The following DOK5 variants were observed in gnomAD, a reference collection of about 807,000 sequenced individuals.
The protein encoded by DOK5 is docking protein 5.
DOK5 carries 27 observed loss-of-function variants against 43.3 expected under a neutral mutation model. The ratio of observed to expected loss-of-function variants is 0.62; its 90% CI spans 0.46 to 0.86. The LOEUF (loss-of-function observed/expected upper bound fraction) is 0.86. Among genes scored for constraint, DOK5 ranks in the 40% least tolerant of loss-of-function variants. DOK5 has a pLI of 0.00. For synonymous variants in DOK5, 146 were observed against 140.1 expected (o/e 1.04, Z -0.30); for missense variants, 373 against 392.9 (o/e 0.95, Z 0.43).
chr20:54,567,048 T>C (rs2146743197), intron 2 of DOK5, among the ~76,000 whole-genome samples: 1 of 151,864 alleles, frequency 6.6e-6, no homozygotes, highest in East Asian at 1.9e-4. Flanking sequence ...GTATTGGGAG[T>C]GTGTGCGTTT....
chr20:54,487,901 A>T (rs573173492), intron 1 of DOK5, among the ~76,000 whole-genome samples: 1 of 152,218 alleles, frequency 6.6e-6, no homozygotes, highest in Non-Finnish European at 1.5e-5. Context: ...TCGTCAATGG[A>T]CTAACTCTTT....
At chr20:54,521,555 G>A (rs1220062254) in intron 1 of DOK5, among the ~76,000 whole-genome samples, 1 of 152,180 alleles carries the variant, frequency 6.6e-6, no homozygotes, top group Admixed American at 6.5e-5. Context: ...GGTATGGGGT[G>A]TGATGTGAGG....
chr20:54,628,572 AG>A (rs1233029312), intron 6 of DOK5, among the ~76,000 whole-genome samples: 1 of 152,104 alleles, frequency 6.6e-6, no homozygotes, highest in Non-Finnish European at 1.5e-5. Context: ...TCTTCTCATC[AG>A]CACGTGGTTG....
chr20:54,549,804 C>T (rs1048198992), intron 1 of DOK5, among the ~76,000 whole-genome samples: 1 of 152,084 alleles, frequency 6.6e-6, no homozygotes, highest in African/African-American at 2.4e-5. Flanking sequence ...TTTTGCATAC[C>T]TTTAGCATGT....
chr20:54,554,972 A>G lies in DOK5; in HGVS notation c.106A>G (p.Ser36Gly), dbSNP rs1568781559. 1.2e-6 allele frequency: 2 copies of G among 1,614,024 alleles called. No homozygotes were observed. Among genetic ancestry groups the G allele is most frequent in the Non-Finnish European group, 1.7e-6 (2 of 1,179,908 alleles). Residue 36 changes from serine (S) to glycine (G), a missense_variant, in exon 2 of 8, where the codon AGC becomes GGC. Ser to Gly is a moderately conservative substitution (Grantham distance 56). Transcript: ENST00000262593. ...CTGGTTAGTATTCAAGAAAGCTTCA[A>G]GCAAAGGTCCAAAAAGACTGGAGAA... Reference protein sequence around the residue: ...RCWLVFKKASSKGPKRLEKFS... With the variant: ...RCWLVFKKASGKGPKRLEKFS...
intron 1 of DOK5, chr20:54,495,284 GC>G (rs1982348174): frequency 6.6e-6 from 1 of 152,114 alleles, no homozygotes; most frequent in South Asian, 2.1e-4. Context: ...AGCTTTTCTT[GC>G]TTCAATGGCC....
At chr20:54,521,005 C>A (rs888425129) in intron 1 of DOK5, among the ~76,000 whole-genome samples, 6 of 152,004 alleles carry the variant, frequency 3.9e-5, no homozygotes, top group Non-Finnish European at 5.9e-5. Context: ...CACTTACCCT[C>A]TCCTAAGAAT....
intron 2 of DOK5, among the ~76,000 whole-genome samples, chr20:54,579,420 A>G (rs1239034030): frequency 1.3e-5 from 2 of 151,918 alleles, no homozygotes; most frequent in African/African-American, 4.8e-5. Context: ...ATAACATAAG[A>G]CTTACCCACT....
chr20:54,508,407 A>G (rs930286530), intron 1 of DOK5, among the ~76,000 whole-genome samples: 2 of 150,454 alleles, frequency 1.3e-5, no homozygotes, highest in African/African-American at 2.5e-5. Context: ...TTGCACAGGC[A>G]AAGGGCTGGG....
At chr20:54,568,538 A>T (rs1020626571) in intron 2 of DOK5, among the ~76,000 whole-genome samples, 1 of 152,188 alleles carries the variant, frequency 6.6e-6, no homozygotes, top group Non-Finnish European at 1.5e-5. Flanking sequence ...AAAAGATGGA[A>T]ATCTACTAAT....
chr20:54,497,483 T>G (rs577700645), intron 1 of DOK5, among the ~76,000 whole-genome samples: 114 of 152,342 alleles, frequency 7.5e-4, no homozygotes, highest in African/African-American at 2.7e-3. Context: ...AGTGGAAGGT[T>G]AAAAGGTGGC....
At chr20:54,587,000 C>T (rs1985824465) in intron 2 of DOK5, among the ~76,000 whole-genome samples, 1 of 150,778 alleles carries the variant, frequency 6.6e-6, no homozygotes, top group Non-Finnish European at 1.5e-5. Flanking sequence ...TATTTCAAGA[C>T]TTATGTTTTG....
chr20:54,569,036 A>G (rs1431959755), intron 2 of DOK5, among the ~76,000 whole-genome samples: 1 of 151,400 alleles, frequency 6.6e-6, no homozygotes, highest in Non-Finnish European at 1.5e-5. Context: ...CCCTGCCGTC[A>G]GAAAAAAATG....
Position 54,643,574 on chromosome 20 carries a change from G to C in DOK5, c.852G>C (p.Leu284Phe), listed in dbSNP as rs753305074. ...ACAGCACGGGACAGCTCTACCGCTT[G>C]CAAGGTAAGCGTGGGGCTACCTGTG... ...RQHSTGQLYRLQDVSSPLKLH... is the reference protein window; with the variant it reads ...RQHSTGQLYRFQDVSSPLKLH... The change falls in exon 7 of 8, where the codon TTG (leucine) becomes TTC (phenylalanine). Residue 284 changes from leucine to phenylalanine, a missense_variant. Leu to Phe is a conservative substitution (Grantham distance 22). Coordinates refer to ENST00000262593, the MANE Select transcript of DOK5 (RefSeq NM_018431.5). 5.6e-6 allele frequency: 9 copies of C among 1,612,254 alleles called. No homozygotes were observed. In the South Asian group the frequency reaches 6.6e-5, roughly 12 times the overall value.
intron 6 of DOK5, among the ~76,000 whole-genome samples, chr20:54,628,953 G>A (rs1350551969): frequency 1.3e-5 from 2 of 152,102 alleles, no homozygotes; most frequent in Non-Finnish European, 2.9e-5. Flanking sequence ...AGACCATTTG[G>A]TCTGAGTCTT....
chr20:54,643,877 C>T (rs1979246551), intron 7 of DOK5, among the ~76,000 whole-genome samples: 1 of 152,212 alleles, frequency 6.6e-6, no homozygotes, highest in Non-Finnish European at 1.5e-5. Flanking sequence ...GCTGAGCAAT[C>T]TGCACTTTTA....
At chr20:54,532,956 G>A (rs1304418786) in intron 1 of DOK5, among the ~76,000 whole-genome samples, 2 of 152,212 alleles carry the variant, frequency 1.3e-5, no homozygotes, top group South Asian at 2.1e-4. Flanking sequence ...TGATCCTAAG[G>A]CATTTGCCAC....
intron 1 of DOK5, among the ~76,000 whole-genome samples, chr20:54,512,784 G>T (rs1348847805): frequency 6.6e-6 from 1 of 152,184 alleles, no homozygotes; most frequent in Non-Finnish European, 1.5e-5. Flanking sequence ...TGGTTCTGGG[G>T]AAGCCCATCA....
At chr20:54,637,952 C>G (rs373974085) in intron 6 of DOK5, among the ~76,000 whole-genome samples, 5 of 152,146 alleles carry the variant, frequency 3.3e-5, no homozygotes, top group Non-Finnish European at 7.3e-5. Context: ...GAAACCCCGT[C>G]TCTACTAAAA....
Sources: allele counts gnomAD v4.1 joint callset (sites outside exome capture counted in the v4.1 genomes callset), GRCh38; gene constraint gnomAD v4.1.1; transcripts MANE v1.5; gene names NCBI Gene and HGNC (gene_info 2026-07-23, HGNC 2026-07-21).